The following PHTF2 variants were observed in gnomAD, a reference collection of about 807,000 sequenced individuals.
PHTF2 encodes protein PHTF2.
A neutral mutation model predicts 101.2 loss-of-function variants in PHTF2; 60 were observed. The observed-to-expected ratio is 0.59, with a 90% CI of 0.48 to 0.73. The LOEUF is 0.73. Among genes scored for constraint, PHTF2 ranks in the 30% least tolerant of loss-of-function variants. PHTF2 has a pLI of 0.00. For missense variants in PHTF2, 747 were observed against 908.7 expected, an observed-to-expected ratio of 0.82 and a Z score of 2.29; for synonymous variants, 311 against 307.3, an observed-to-expected ratio of 1.01 and a Z score of -0.13.
At chr7:77,943,601 G>A (rs942378565) in intron 16 of PHTF2, among the ~76,000 whole-genome samples, 5 of 152,028 alleles carry the variant, frequency 3.3e-5, no homozygotes, top group East Asian at 3.8e-4. Flanking sequence ...GTCATGGGCC[G>A]TGTAATATTA....
At chr7:77,943,719 C>T (rs1013408552) in intron 16 of PHTF2, among the ~76,000 whole-genome samples, 5 of 152,078 alleles carry the variant, frequency 3.3e-5, no homozygotes, top group African/African-American at 9.7e-5. Context: ...AATTCTTCTA[C>T]TTTAAAACAT....
intron 2 of PHTF2, among the ~76,000 whole-genome samples, chr7:77,851,541 A>G (rs1796760651): frequency 6.6e-6 from 1 of 151,718 alleles, no homozygotes; most frequent in Non-Finnish European, 1.5e-5. Context: ...TCAAAAAACA[A>G]ACTTATTTCA....
chr7:77,946,158 A>G (rs953728743), intron 16 of PHTF2, among the ~76,000 whole-genome samples: 2 of 152,236 alleles, frequency 1.3e-5, no homozygotes, highest in African/African-American at 2.4e-5. Flanking sequence ...TCAACTTTAG[A>G]AAATCCATTA....
chr7:77,836,429 C>T (rs930853576), intron 1 of PHTF2, among the ~76,000 whole-genome samples: 10 of 152,200 alleles, frequency 6.6e-5, no homozygotes, highest in African/African-American at 2.4e-4. Flanking sequence ...TAAAGGCAGA[C>T]TTAACATACC....
At chr7:77,823,611 A>C (rs1193481602) in intron 1 of PHTF2, among the ~76,000 whole-genome samples, 1 of 152,262 alleles carries the variant, frequency 6.6e-6, no homozygotes, top group Non-Finnish European at 1.5e-5. Context: ...GAATTGAGGT[A>C]ACTTTTCAAA....
Position 77,910,417 on chromosome 7 carries a change from T to G in PHTF2, c.776+8T>G, listed in dbSNP as rs751323074. 2 of 1,607,948 alleles carry G rather than the reference T, an allele frequency of 1.2e-6. No individual in the cohort carries two copies. The highest frequency in any genetic ancestry group is 1.7e-6 in the Non-Finnish European group (2 of 1,176,042). On this transcript the variant is annotated splice_region_variant and intron_variant, in intron 9 of 19. Coordinates refer to ENST00000416283, the Ensembl canonical transcript of PHTF2. The stretch of plus-strand genomic sequence containing the variant: ...TGCTTTCTTTTTATCAGGGTTTGTA[T>G]TTATTTAAGGTTTTATATGGCATAG...
At chr7:77,829,731 G>A (rs1183439054) in intron 1 of PHTF2, among the ~76,000 whole-genome samples, 1 of 152,200 alleles carries the variant, frequency 6.6e-6, no homozygotes, top group Non-Finnish European at 1.5e-5. Flanking sequence ...TTTGGTTGTG[G>A]TGAAGGCAAC....
chr7:77,891,787 C>T (rs1429620798), intron 3 of PHTF2, among the ~76,000 whole-genome samples: 1 of 151,764 alleles, frequency 6.6e-6, no homozygotes, highest in Non-Finnish European at 1.5e-5. Flanking sequence ...GGTCTCACTA[C>T]ATTGCCAAGA....
At chr7:77,889,298 C>T (rs918560238) in intron 3 of PHTF2, among the ~76,000 whole-genome samples, 3 of 152,164 alleles carry the variant, frequency 2.0e-5, no homozygotes, top group Admixed American at 1.3e-4. Context: ...AGAATCCCTT[C>T]ACTCTCACTT....
intron 1 of PHTF2, among the ~76,000 whole-genome samples, chr7:77,827,125 A>G (rs937536721): frequency 1.3e-5 from 2 of 152,210 alleles, no homozygotes; most frequent in East Asian, 1.9e-4. Flanking sequence ...GTAAAGTTGA[A>G]CATGTAGATA....
At chr7:77,846,609 C>G (rs1333765517) in intron 2 of PHTF2, among the ~76,000 whole-genome samples, 1 of 121,694 alleles carries the variant, frequency 8.2e-6, no homozygotes, top group Non-Finnish European at 1.7e-5. Flanking sequence ...CTCCCTTCCC[C>G]TCCCTTCCCC....
At chr7:77,799,525 A>T (rs1792361007) in intron 1 of PHTF2, among the ~76,000 whole-genome samples, 1 of 152,182 alleles carries the variant, frequency 6.6e-6, no homozygotes. Flanking sequence ...TTCTGATCCC[A>T]ACACGGCGGA....
At chr7:77,891,783 A>T (rs1348135830) in intron 3 of PHTF2, among the ~76,000 whole-genome samples, 1 of 151,726 alleles carries the variant, frequency 6.6e-6, no homozygotes, top group Non-Finnish European at 1.5e-5. Flanking sequence ...GACAGGTCTC[A>T]CTACATTGCC....
chr7:77,832,126 T>C (rs1326263522), intron 1 of PHTF2, among the ~76,000 whole-genome samples: 1 of 152,118 alleles, frequency 6.6e-6, no homozygotes, highest in African/African-American at 2.4e-5. Context: ...GTGTGACATA[T>C]TCAACCTGCT....
chr7:77,878,261 G>A (rs1435376000), intron 3 of PHTF2, among the ~76,000 whole-genome samples: 2 of 151,962 alleles, frequency 1.3e-5, no homozygotes, highest in Admixed American at 6.6e-5. Flanking sequence ...ATGCTGATTG[G>A]TTGGATCAGG....
chr7:77,892,989 T>C (rs944343185), intron 3 of PHTF2, among the ~76,000 whole-genome samples: 3 of 152,202 alleles, frequency 2.0e-5, no homozygotes, highest in Non-Finnish European at 4.4e-5. Context: ...CACTTGGAAG[T>C]TTTTCCCCAA....
chr7:77,805,494 T>A (rs1486140384), intron 1 of PHTF2, among the ~76,000 whole-genome samples: 1 of 152,236 alleles, frequency 6.6e-6, no homozygotes, highest in East Asian at 1.9e-4. Flanking sequence ...AGTTGGAAGC[T>A]TAGCTCATAA....
chr7:77,942,849 A>T, intron 16 of PHTF2, 63 bp downstream of exon 15: 2 of 761,888 alleles, frequency 2.6e-6, no homozygotes, highest in Non-Finnish European at 4.2e-6. Flanking sequence ...TCAGATTAAT[A>T]AATAATCAAA....
intron 11 of PHTF2, among the ~76,000 whole-genome samples, chr7:77,925,892 C>A (rs371228623): frequency 6.6e-6 from 1 of 151,964 alleles, no homozygotes; most frequent in South Asian, 2.1e-4. Context: ...CCCGTCTCTA[C>A]GAAAAATACA....
Sources: allele counts gnomAD v4.1 joint callset (sites outside exome capture counted in the v4.1 genomes callset), GRCh38; gene constraint gnomAD v4.1.1; transcripts MANE v1.5; gene names NCBI Gene and HGNC (gene_info 2026-07-23, HGNC 2026-07-21).